Variants in CTNNA3 observed in about 807,000 individuals in gnomAD.
CTNNA3 encodes the protein catenin alpha 3.
A neutral mutation model predicts 95.7 loss-of-function variants in CTNNA3; 76 were observed. The ratio of observed to expected loss-of-function variants is 0.79; its 90% CI spans 0.66 to 0.96. The LOEUF is 0.96. Among genes scored for constraint, CTNNA3 ranks in the 40% least tolerant of loss-of-function variants. The pLI, the probability that CTNNA3 is intolerant of heterozygous loss-of-function variation, is 0.00. For synonymous variants in CTNNA3, 431 were observed against 374.4 expected (o/e 1.15, Z -1.74); for missense variants, 1,191 against 1,089.8 (o/e 1.09, Z -1.31).
intron 7 of CTNNA3, among the ~76,000 whole-genome samples, chr10:67,132,012 T>C (rs1224738445): frequency 6.6e-6 from 1 of 151,956 alleles, no homozygotes; most frequent in East Asian, 1.9e-4. Flanking sequence ...AGACTAGAGG[T>C]AGAAAATAGG....
At chr10:66,622,401 G>T (rs1043183568) in intron 9 of CTNNA3, among the ~76,000 whole-genome samples, 4 of 152,062 alleles carry the variant, frequency 2.6e-5, no homozygotes, top group African/African-American at 9.7e-5. Context: ...TATTGCTTTT[G>T]AAATTTACAT....
chr10:66,769,089 A>ACC (rs1264565645), intron 8 of CTNNA3, among the ~76,000 whole-genome samples: 2 of 152,214 alleles, frequency 1.3e-5, no homozygotes, highest in Non-Finnish European at 2.9e-5. Context: ...TAAAGACTTC[A>ACC]CTATAATTTC....
chr10:66,371,068 A>C (rs1423290414), intron 12 of CTNNA3, among the ~76,000 whole-genome samples: 3 of 152,124 alleles, frequency 2.0e-5, no homozygotes, highest in Non-Finnish European at 4.4e-5. Context: ...GTTACAAAGA[A>C]TGTCTCATAC....
intron 11 of CTNNA3, among the ~76,000 whole-genome samples, chr10:66,479,267 C>G (rs1005207270): frequency 3.3e-5 from 5 of 150,720 alleles, no homozygotes; most frequent in Admixed American, 6.6e-5. Flanking sequence ...TCTATATCCT[C>G]AATTTGTATG....
At chr10:67,111,820 C>T (rs1288273069) in intron 7 of CTNNA3, among the ~76,000 whole-genome samples, 1 of 151,996 alleles carries the variant, frequency 6.6e-6, no homozygotes, top group East Asian at 1.9e-4. Flanking sequence ...ATCTAATTTA[C>T]CTGTTACTGA....
intron 9 of CTNNA3, among the ~76,000 whole-genome samples, chr10:66,691,668 C>A (rs1434974218): frequency 6.6e-6 from 1 of 152,192 alleles, no homozygotes; most frequent in Non-Finnish European, 1.5e-5. Context: ...TCAAGTGGGT[C>A]CCTGACCCCT....
intron 9 of CTNNA3, among the ~76,000 whole-genome samples, chr10:66,697,377 G>A (rs10822889): frequency 0.18 from 26,986 of 150,698 alleles, 3,053 homozygotes; most frequent in East Asian, 0.34. Context: ...GCAAACACAC[G>A]GTATACACAC....
chr10:67,177,731 A>G (rs561073447), intron 7 of CTNNA3, among the ~76,000 whole-genome samples: 1 of 152,320 alleles, frequency 6.6e-6, no homozygotes, highest in South Asian at 2.1e-4. Flanking sequence ...ATTATTTGTG[A>G]TAGAAACCTG....
At chr10:66,540,348 C>T (rs565802845) in intron 10 of CTNNA3, among the ~76,000 whole-genome samples, 21 of 152,158 alleles carry the variant, frequency 1.4e-4, no homozygotes, top group South Asian at 8.3e-4. Context: ...CTAGTTTAGA[C>T]GAGTTAACTT....
At chr10:66,233,957 T>C (rs910255604) in intron 13 of CTNNA3, among the ~76,000 whole-genome samples, 10 of 152,186 alleles carry the variant, frequency 6.6e-5, no homozygotes, top group African/African-American at 2.4e-4. Context: ...ATAGTTGAAT[T>C]TCACAAACTA....
At chr10:66,475,087 T>C (rs907735553) in intron 11 of CTNNA3, among the ~76,000 whole-genome samples, 1 of 151,998 alleles carries the variant, frequency 6.6e-6, no homozygotes, top group Non-Finnish European at 1.5e-5. Flanking sequence ...TCTAGTTTCA[T>C]GTAACTTAAG....
intron 11 of CTNNA3, among the ~76,000 whole-genome samples, chr10:66,486,631 T>C (rs896597921): frequency 6.6e-6 from 1 of 152,058 alleles, no homozygotes; most frequent in Admixed American, 6.5e-5. Flanking sequence ...GAAAACAGTA[T>C]AGAAGTCAAA....
intron 12 of CTNNA3, among the ~76,000 whole-genome samples, chr10:66,309,520 A>ATC (rs1366610343): frequency 6.7e-6 from 1 of 150,204 alleles, no homozygotes; most frequent in African/African-American, 2.5e-5. Context: ...GTGAAACCCC[A>ATC]TCTACCAAAA....
At chr10:67,370,869 G>GTT (rs58583527) in intron 5 of CTNNA3, among the ~76,000 whole-genome samples, 133 of 136,300 alleles carry the variant, frequency 9.8e-4, no homozygotes, top group African/African-American at 2.6e-3. Flanking sequence ...AGTTTTTTTT[G>GTT]TTTTTTTTTT....
At chr10:66,442,594 T>G (rs182445906) in intron 11 of CTNNA3, among the ~76,000 whole-genome samples, 37 of 152,306 alleles carry the variant, frequency 2.4e-4, no homozygotes, top group Non-Finnish European at 4.6e-4. Context: ...AAAGTTGCAT[T>G]GATGAATAGA....
intron 13 of CTNNA3, among the ~76,000 whole-genome samples, chr10:66,268,288 T>C (rs1019888770): frequency 2.0e-5 from 3 of 152,152 alleles, no homozygotes; most frequent in African/African-American, 7.2e-5. Context: ...TTAACTTGCT[T>C]GTAACCAAGA....
intron 7 of CTNNA3, among the ~76,000 whole-genome samples, chr10:66,998,945 C>T (rs890529750): frequency 2.0e-5 from 3 of 152,068 alleles, no homozygotes; most frequent in Non-Finnish European, 2.9e-5. Context: ...TGAACATATA[C>T]ATAAAGCAAA....
intron 13 of CTNNA3, among the ~76,000 whole-genome samples, chr10:66,125,351 C>T (rs1393863638): frequency 6.6e-6 from 1 of 151,946 alleles, no homozygotes; most frequent in Admixed American, 6.6e-5. Context: ...ATTGAGAATA[C>T]TGTATTGAAA....
chr10:66,311,017 C>A (rs1045220850), intron 12 of CTNNA3, among the ~76,000 whole-genome samples: 1 of 152,056 alleles, frequency 6.6e-6, no homozygotes, highest in African/African-American at 2.4e-5. Context: ...TCACTTTTTC[C>A]TAGACTGTTG....
Sources: allele counts gnomAD v4.1 joint callset (sites outside exome capture counted in the v4.1 genomes callset), GRCh38; gene constraint gnomAD v4.1.1; transcripts MANE v1.5; gene names NCBI Gene and HGNC (gene_info 2026-07-23, HGNC 2026-07-21).